PARP8: variants seen among roughly 807,000 people sequenced by gnomAD.
PARP8 encodes poly(ADP-ribose) polymerase family member 8, also known as protein mono-ADP-ribosyltransferase PARP8.
PARP8 carries 51 observed loss-of-function variants against 124.1 expected under a neutral mutation model. The observed-to-expected ratio is 0.41, with a 90% CI of 0.33 to 0.52. The LOEUF is 0.52. PARP8 is among the 20% of genes least tolerant of loss of function. The pLI is 0.21. For synonymous variants in PARP8, 391 were observed against 361.5 expected (o/e 1.08, Z -0.93); for missense variants, 860 against 1,018.9 (o/e 0.84, Z 2.12).
intron 15 of PARP8, among the ~76,000 whole-genome samples, 185 bp downstream of exon 15, chr5:50,815,709 G>C (rs371335719): frequency 1.3e-5 from 2 of 151,934 alleles, no homozygotes; most frequent in Non-Finnish European, 2.9e-5. Flanking sequence ...TGTGTGTTTC[G>C]TTATTTTGTG....
At chr5:50,686,385 G>A (rs1751863082) in intron 2 of PARP8, among the ~76,000 whole-genome samples, 1 of 152,226 alleles carries the variant, frequency 6.6e-6, no homozygotes, top group Non-Finnish European at 1.5e-5. Context: ...CCACCCCTGT[G>A]ACTTTGTAGG....
chr5:50,767,463 A>G lies in PARP8; in HGVS notation c.518+4221A>G, dbSNP rs547068187. Among the ~76,000 whole-genome samples, 172 of 152,304 alleles carry G rather than the reference A, an allele frequency of 1.1e-3. 2 individuals carry two copies. The highest frequency in any genetic ancestry group is 4.0e-3 in the African/African-American group (168 of 41,566). On this transcript the variant is annotated intron_variant, in intron 7 of 25. Transcript: ENST00000281631. ...GAGCATTTTCCCAAACCACGGGGAC[A>G]TAATCTAGATGTAAGCTTCAGGTGC...
In PARP8 at chr5:50,822,350, C is replaced by T; in HGVS notation, c.1810C>T (p.Arg604Ter). Residue 604 changes from arginine to a stop codon, truncating the protein, a stop_gained, in exon 17 of 26, where the codon CGA becomes TGA. Transcript: ENST00000281631. LOFTEE classifies it high-confidence loss of function. ...CATTAAACAGAAAAAGAACTATGAT[C>T]GAGTAATGAAAGCACTGGATAGCAT... ...AFNPRKKNYD[R>*]VMKALDSITS... 2 of 1,610,766 alleles carry T rather than the reference C, an allele frequency of 1.2e-6. No individual in the cohort carries two copies. The highest frequency in any genetic ancestry group is 1.7e-6 in the Non-Finnish European group (2 of 1,177,358).
chr5:50,841,567 A>G (rs1399747156), intron 25 of PARP8, among the ~76,000 whole-genome samples: 1 of 151,870 alleles, frequency 6.6e-6, no homozygotes, highest in Non-Finnish European at 1.5e-5. Context: ...CAGTCAGAAA[A>G]TAAAGAAATG....
chr5:50,789,075 C>T (rs1328458674), intron 10 of PARP8, among the ~76,000 whole-genome samples: 3 of 152,092 alleles, frequency 2.0e-5, no homozygotes, highest in Non-Finnish European at 4.4e-5. Flanking sequence ...TCCTTGGGGC[C>T]CAGAGGTGGT....
chr5:50,754,150 T>TATATATACACAC (rs1312947286), intron 3 of PARP8, among the ~76,000 whole-genome samples: 1 of 37,224 alleles, frequency 2.7e-5, no homozygotes, highest in African/African-American at 1.2e-4. Flanking sequence ...TATATATATA[T>TATATATACACAC]ACACACACAC....
At chr5:50,757,347 A>G in intron 3 of PARP8, 1 of 318,752 alleles carries the variant, frequency 3.1e-6, no homozygotes, top group Non-Finnish European at 6.3e-6. Context: ...GAGTGCTTTG[A>G]ATTCAGAGTG....
At chr5:50,765,574 C>T (rs1386427782) in intron 7 of PARP8, among the ~76,000 whole-genome samples, 1 of 152,160 alleles carries the variant, frequency 6.6e-6, no homozygotes, top group Non-Finnish European at 1.5e-5. Context: ...TGAATTTTTT[C>T]CCCTTAACCC....
intron 16 of PARP8, 21 bp from the exon 17 acceptor site, chr5:50,822,314 C>T (rs1337105531): frequency 6.4e-7 from 1 of 1,570,114 alleles, no homozygotes; most frequent in Middle Eastern, 1.7e-4. Flanking sequence ...TGTTTTTTAA[C>T]ATCACTTTTT....
intron 10 of PARP8, among the ~76,000 whole-genome samples, chr5:50,793,089 A>C (rs370156274): frequency 2.0e-5 from 3 of 152,240 alleles, no homozygotes; most frequent in African/African-American, 7.2e-5. Context: ...TTATTTGTGA[A>C]ATGTGTGGAA....
At chr5:50,689,173 A>G (rs539171438) in intron 2 of PARP8, among the ~76,000 whole-genome samples, 1 of 151,970 alleles carries the variant, frequency 6.6e-6, no homozygotes, top group Non-Finnish European at 1.5e-5. Flanking sequence ...TTTTCTAGGA[A>G]TGGGCTCTTT....
At chr5:50,700,752 C>T (rs1223670359) in intron 2 of PARP8, among the ~76,000 whole-genome samples, 2 of 152,082 alleles carry the variant, frequency 1.3e-5, no homozygotes, top group East Asian at 3.9e-4. Context: ...CTCAAAATTA[C>T]GTTTTTCTTC....
At chr5:50,696,319 G>T (rs960698605) in intron 2 of PARP8, among the ~76,000 whole-genome samples, 3 of 152,162 alleles carry the variant, frequency 2.0e-5, no homozygotes, top group African/African-American at 7.2e-5. Flanking sequence ...GCTAAGATTA[G>T]TGTAAACTTG....
chr5:50,786,455 C>T (rs1427143228), intron 9 of PARP8, among the ~76,000 whole-genome samples: 1 of 151,684 alleles, frequency 6.6e-6, no homozygotes, highest in Non-Finnish European at 1.5e-5. Flanking sequence ...CCCTCAACCT[C>T]CCAGGTTCAG....
chr5:50,791,941 G>A (rs1742004458), intron 10 of PARP8, among the ~76,000 whole-genome samples: 1 of 152,096 alleles, frequency 6.6e-6, no homozygotes, highest in Admixed American at 6.6e-5. Context: ...TGCTAAAGCT[G>A]TTTCACCACC....
chr5:50,756,972 G>A (rs1478567762), intron 3 of PARP8: 3 of 316,690 alleles, frequency 9.5e-6, no homozygotes, highest in African/African-American at 6.5e-5. Context: ...CGTCTTCCAT[G>A]TTCATCCATG....
rs550951043 is a variant in PARP8 at position 50,697,234 on chromosome 5, G to A, written c.146+29109G>A. On this transcript the variant is annotated intron_variant, in intron 2 of 25. Transcript: ENST00000281631. ...TTGTGCCACAGCACTCCAATCTGGCGACAGAGCGAGACTCCGTCTCAAAGA... is the reference window on the plus strand; with the variant it reads ...TTGTGCCACAGCACTCCAATCTGGCAACAGAGCGAGACTCCGTCTCAAAGA... Among the ~76,000 whole-genome samples, 16 of 152,222 alleles carry A rather than the reference G, an allele frequency of 1.1e-4. 1 individual carries two copies. The highest frequency in any genetic ancestry group is 4.1e-4 in the South Asian group (2 of 4,822).
intron 25 of PARP8, among the ~76,000 whole-genome samples, chr5:50,839,933 A>G (rs753364914): frequency 3.3e-5 from 5 of 151,908 alleles, no homozygotes; most frequent in Non-Finnish European, 7.4e-5. Context: ...CTGTATTTGA[A>G]TGATGAAGGA....
intron 2 of PARP8, among the ~76,000 whole-genome samples, chr5:50,738,158 T>G (rs1757666057): frequency 6.6e-6 from 1 of 152,212 alleles, no homozygotes; most frequent in Non-Finnish European, 1.5e-5. Context: ...GCTTTCCAAA[T>G]GTAGCTTTAC....
Sources: gnomAD v4.1 joint callset for allele counts (sites outside exome capture counted in the v4.1 genomes callset) on GRCh38, gnomAD v4.1.1 for gene constraint, MANE v1.5 for transcripts, NCBI Gene and HGNC (gene_info 2026-07-23, HGNC 2026-07-21) for gene names.